GMDS: variants seen among roughly 807,000 people sequenced by gnomAD.
The protein encoded by GMDS is GDP-mannose 4,6-dehydratase.
A neutral mutation model predicts 49.9 loss-of-function variants in GMDS; 20 were observed. That is an observed-to-expected ratio of 0.40 (90% confidence interval 0.28 to 0.58). GMDS has a LOEUF of 0.58. GMDS is among the 20% of genes least tolerant of loss of function. The pLI is 0.42. For synonymous variants in GMDS, 177 were observed against 178.6 expected (o/e 0.99, Z 0.07); for missense variants, 362 against 481.4 (o/e 0.75, Z 2.32).
At chr6:1,868,044 T>C (rs934074549) in intron 7 of GMDS, among the ~76,000 whole-genome samples, 1 of 151,936 alleles carries the variant, frequency 6.6e-6, no homozygotes, top group Non-Finnish European at 1.5e-5. Flanking sequence ...TGGAGTGCAG[T>C]GGCACGATCT....
chr6:2,211,892 T>C (rs1028407893), intron 1 of GMDS, among the ~76,000 whole-genome samples: 4 of 152,230 alleles, frequency 2.6e-5, no homozygotes, highest in African/African-American at 9.7e-5. Context: ...TAAGACATTA[T>C]ACATAAAAGC....
At chr6:1,791,153 G>C (rs1769525860) in intron 7 of GMDS, among the ~76,000 whole-genome samples, 1 of 152,218 alleles carries the variant, frequency 6.6e-6, no homozygotes, top group Non-Finnish European at 1.5e-5. Flanking sequence ...CTCTGGAAGG[G>C]ATGTAGCTTT....
intron 1 of GMDS, among the ~76,000 whole-genome samples, chr6:2,161,253 C>A (rs896209597): frequency 8.5e-5 from 13 of 152,156 alleles, no homozygotes; most frequent in African/African-American, 1.9e-4. Flanking sequence ...TTGTGATCCG[C>A]CTGCCTCGGC....
chr6:2,237,423 A>G (rs1781412119), intron 1 of GMDS, among the ~76,000 whole-genome samples: 1 of 152,194 alleles, frequency 6.6e-6, no homozygotes, highest in African/African-American at 2.4e-5. Flanking sequence ...GGTTAATGCA[A>G]CTGAGCACCT....
chr6:2,088,902 T>G (rs1459550358), intron 4 of GMDS, among the ~76,000 whole-genome samples: 2 of 152,200 alleles, frequency 1.3e-5, no homozygotes, highest in African/African-American at 2.4e-5. Context: ...TCCTTGTCCC[T>G]TTATCCTTGA....
At chr6:2,033,654 G>A (rs1048710126) in intron 4 of GMDS, among the ~76,000 whole-genome samples, 2 of 152,180 alleles carry the variant, frequency 1.3e-5, no homozygotes, top group African/African-American at 4.8e-5. Flanking sequence ...TAAACTATCA[G>A]GTGTTCACCG....
rs182300929 is a variant in GMDS, at chr6:1,994,779, T to C, written c.346-33813A>G. 5.4e-3 allele frequency among the ~76,000 whole-genome samples: 818 copies of C among 152,088 alleles called. 9 individuals carry two copies. Among genetic ancestry groups the C allele is most frequent in the Middle Eastern group, 0.037 (11 of 294 alleles). On this transcript the variant is annotated intron_variant, in intron 4 of 10. Coordinates refer to ENST00000380815, the MANE Select transcript of GMDS (RefSeq NM_001500.4). ...GTTGGGAGGAAGGGCACACAGGGGA[T>C]ACATGGCCTGCAAAGACACAACATA...
chr6:2,245,307 GC>G lies in GMDS; in HGVS notation c.102+13del. On this transcript the variant is annotated intron_variant, in intron 1 of 10. Coordinates refer to ENST00000380815, the MANE Select transcript of GMDS (RefSeq NM_001500.4). ...AGGCTGCCTCGGCCGGCGCGCCCCC[GC>G]CCCCGCACTCACCTGGCCTGTGATA... 2.0e-6 allele frequency: 3 copies of G among 1,513,476 alleles called. No individual in the cohort carries two copies. Among genetic ancestry groups the G allele is most frequent in the Non-Finnish European group, 2.7e-6 (3 of 1,124,904 alleles). The allele number at this position is 1,513,476 out of a possible 1,614,324, so 93.8% of individuals were successfully genotyped here.
At chr6:2,155,307 G>A (rs1011908861) in intron 1 of GMDS, among the ~76,000 whole-genome samples, 2 of 152,066 alleles carry the variant, frequency 1.3e-5, no homozygotes, top group Non-Finnish European at 2.9e-5. Flanking sequence ...AAGCTGAGAA[G>A]CTGCAAAAAA....
chr6:1,983,914 T>A (rs9405535), intron 4 of GMDS, among the ~76,000 whole-genome samples: 64,159 of 152,154 alleles, frequency 0.42, 13,782 homozygotes, highest in Non-Finnish European at 0.47. Context: ...TGAAGATACA[T>A]GCATGCGTAT....
intron 4 of GMDS, among the ~76,000 whole-genome samples, chr6:2,071,752 T>C (rs1348707654): frequency 2.0e-5 from 3 of 151,104 alleles, no homozygotes; most frequent in Admixed American, 2.0e-4. Context: ...GGACCTGTAG[T>C]GCCATAGTTG....
chr6:1,913,150 G>A (rs1257373319), intron 7 of GMDS, among the ~76,000 whole-genome samples: 1 of 151,956 alleles, frequency 6.6e-6, no homozygotes, highest in Non-Finnish European at 1.5e-5. Flanking sequence ...GGGAGGCCGA[G>A]GCGGGCGGAT....
intron 7 of GMDS, among the ~76,000 whole-genome samples, chr6:1,752,681 A>G (rs1156406192): frequency 6.6e-6 from 1 of 152,252 alleles, no homozygotes; most frequent in Admixed American, 6.5e-5. Context: ...GACTAACAGC[A>G]GATCTCTCGG....
intron 1 of GMDS, among the ~76,000 whole-genome samples, chr6:2,227,309 A>T (rs1780860506): frequency 6.6e-6 from 1 of 152,132 alleles, no homozygotes; most frequent in Non-Finnish European, 1.5e-5. Flanking sequence ...GAATGTTTCT[A>T]AAAACAGCCA....
At chr6:1,813,103 T>A (rs544907046) in intron 7 of GMDS, among the ~76,000 whole-genome samples, 17 of 151,178 alleles carry the variant, frequency 1.1e-4, no homozygotes, top group Non-Finnish European at 5.9e-5. Context: ...ATGAGCACAG[T>A]CCCAGCTACT....
At chr6:2,074,600 G>A (rs150036571) in intron 4 of GMDS, among the ~76,000 whole-genome samples, 1 of 152,112 alleles carries the variant, frequency 6.6e-6, no homozygotes, top group Non-Finnish European at 1.5e-5. Context: ...ACATCCTTAA[G>A]TGTTTTCCCT....
Position 1,858,056 on chromosome 6 carries a change from G to A in GMDS, c.771+72047C>T, listed in dbSNP as rs149789184. On this transcript the variant is annotated intron_variant, in intron 7 of 10. Transcript: ENST00000380815. ...AGAGTAACGAATGTATTATACTTAC[G>A]AAGATCTATGTCATACTACCTAAGA... Among the ~76,000 whole-genome samples the A allele has an allele frequency of 4.6e-3, 700 of 152,196 alleles. 2 individuals are homozygous for A. The highest frequency in any genetic ancestry group is 5.9e-3 in the Non-Finnish European group (400 of 68,014).
At chr6:1,628,378 CG>C (rs1203046826) in intron 9 of GMDS, among the ~76,000 whole-genome samples, 1 of 152,220 alleles carries the variant, frequency 6.6e-6, no homozygotes, top group Admixed American at 6.5e-5. Context: ...TTCCTTCCCC[CG>C]ATGTTATTTT....
chr6:2,061,020 C>CA lies in GMDS; in HGVS notation c.345+54750dup, dbSNP rs1015651288. Among the ~76,000 whole-genome samples the CA allele has an allele frequency of 6.0e-3, 789 of 130,978 alleles. 2 individuals carry two copies. The highest frequency in any genetic ancestry group is 0.013 in the African/African-American group (445 of 35,356). The allele number at this position is 130,978 out of a possible 152,430, so 85.9% of individuals were successfully genotyped here. Reference sequence around the variant, plus strand: ...CAGAGCAAGACTCCATCTAAAAAAACAAAAAAAAAAAAGAAAGGGAAAGGG... The same window carrying CA: ...CAGAGCAAGACTCCATCTAAAAAAACAAAAAAAAAAAAAGAAAGGGAAAGGG... On this transcript the variant is annotated intron_variant, in intron 4 of 10. Transcript: ENST00000380815.
Sources: allele counts gnomAD v4.1 joint callset (sites outside exome capture counted in the v4.1 genomes callset), GRCh38; gene constraint gnomAD v4.1.1; transcripts MANE v1.5; gene names NCBI Gene and HGNC (gene_info 2026-07-23, HGNC 2026-07-21).